The following CYP3A5 variants were observed in gnomAD, a reference collection of about 807,000 sequenced individuals.
CYP3A5 encodes the protein cytochrome P450 3A5.
A neutral mutation model predicts 55.9 loss-of-function variants in CYP3A5; 51 were observed. That is an observed-to-expected ratio of 0.91 (90% confidence interval 0.73 to 1.15). The LOEUF is 1.15. CYP3A5 is among the 50% of genes most tolerant of loss of function. The probability of loss-of-function intolerance (pLI) is 0.00; values close to 1 mark genes in which losing one functional copy is unlikely to be tolerated. For synonymous variants in CYP3A5, 196 were observed against 213.9 expected (o/e 0.92, Z 0.73); for missense variants, 533 against 596.6 (o/e 0.89, Z 1.11).
chr7:99,655,213 T>C (rs1809586941), intron 10 of CYP3A5, among the ~76,000 whole-genome samples: 1 of 152,210 alleles, frequency 6.6e-6, no homozygotes, highest in Non-Finnish European at 1.5e-5. Context: ...TGGTTTTAGG[T>C]CTAACATGTA....
At position 99,679,962 on chromosome 7, in the gene CYP3A5, G is replaced by T; in HGVS notation, c.-66C>A. Reference sequence around the variant, plus strand: ...TTTAGCTGAGTGCTGCTGTTTGCTGGGCTGTTTGCCTGGAGCTTCCCTGCC... The same window carrying T: ...TTTAGCTGAGTGCTGCTGTTTGCTGTGCTGTTTGCCTGGAGCTTCCCTGCC... On this transcript the variant is annotated 5_prime_UTR_variant, in exon 1 of 13. Coordinates refer to ENST00000222982, the MANE Select transcript of CYP3A5 (RefSeq NM_000777.5). 1 of 1,443,014 alleles carries T rather than the reference G, an allele frequency of 6.9e-7. No homozygotes were observed. The highest frequency in any genetic ancestry group is 9.8e-7 in the Non-Finnish European group (1 of 1,024,432). 89.4% of individuals were successfully genotyped at this position (1,443,014 alleles called of 1,614,324 possible).
chr7:99,658,222 G>A lies in CYP3A5; in HGVS notation c.1026+2277C>T, dbSNP rs1465631120. On this transcript the variant is annotated intron_variant, in intron 10 of 12. Coordinates refer to ENST00000222982, the MANE Select transcript of CYP3A5 (RefSeq NM_000777.5). ...CATGTTTTTGCAGTGGCTGGTACCA[G>A]TTGTTCCTTTCCATGTTTAGTGCTT... Among the ~76,000 whole-genome samples the A allele has an allele frequency of 3.9e-5, 6 of 152,268 alleles. No individual in the cohort carries two copies. The South Asian group carries it at 6.2e-4, about 16-fold the overall frequency.
chr7:99,672,411 G>A lies in CYP3A5; in HGVS notation c.318+169C>T, dbSNP rs557718312. Among the ~76,000 whole-genome samples the A allele has an allele frequency of 2.0e-5, 3 of 151,998 alleles. No individual in the cohort carries two copies. The East Asian group carries it at 5.8e-4, about 29-fold the overall frequency. ...AATATGAATATACTAGATATATATT[G>A]CAATATACAAGATTGCAAGATGTTA... is the stretch of plus-strand genomic sequence containing the variant. On this transcript the variant is annotated intron_variant, in intron 4 of 12. Coordinates refer to ENST00000222982, the MANE Select transcript of CYP3A5 (RefSeq NM_000777.5).
Position 99,650,233 on chromosome 7 carries a change from CTAG to C in CYP3A5, c.1254-4_1254-2del, listed in dbSNP as rs767277330. 6.2e-7 allele frequency: 1 copy of C among 1,612,794 alleles called. No homozygotes were observed. The highest frequency in any genetic ancestry group is 1.3e-5 in the African/African-American group (1 of 74,818). Reference sequence around the variant, plus strand: ...TATGCTGTCCTTCTTCTTACTGAACCTAGTTCCATATTGGTAGATTAAATAGTT... The same window carrying C: ...TATGCTGTCCTTCTTCTTACTGAACCTTCCATATTGGTAGATTAAATAGTT... On this transcript the variant is annotated splice_acceptor_variant and splice_polypyrimidine_tract_variant and intron_variant, in intron 11 of 12. Coordinates refer to ENST00000222982, the MANE Select transcript of CYP3A5 (RefSeq NM_000777.5). LOFTEE classifies it high-confidence loss of function.
intron 4 of CYP3A5, among the ~76,000 whole-genome samples, chr7:99,669,665 C>T (rs1441246368): frequency 2.6e-5 from 4 of 152,164 alleles, no homozygotes; most frequent in Admixed American, 2.0e-4. Context: ...ACTGACACTA[C>T]AGATACGGCA....
chr7:99,665,411 TA>T (rs1212114977), intron 6 of CYP3A5, 97 bp from the exon 7 acceptor site: 3 of 1,491,998 alleles, frequency 2.0e-6, no homozygotes. Flanking sequence ...TCAAGACACA[TA>T]AAGAGCCACA....
Position 99,662,974 on chromosome 7 carries a change from T to G in CYP3A5, c.799-92A>C. 1 of 1,565,944 alleles carries G rather than the reference T, an allele frequency of 6.4e-7. No individual in the cohort carries two copies. The highest frequency in any genetic ancestry group is 8.7e-7 in the Non-Finnish European group (1 of 1,153,736). ...GCAGTCCTCAACCTCCCTTCTTGAC[T>G]TCCCTCCCTCAACCTCCCTATGGCT... is the stretch of plus-strand genomic sequence containing the variant. On this transcript the variant is annotated intron_variant, in intron 8 of 12. Coordinates refer to ENST00000222982, the MANE Select transcript of CYP3A5 (RefSeq NM_000777.5). The surrounding 1 kb of genome is among the most constrained non-coding windows in gnomAD (Gnocchi z 4.3).
intron 11 of CYP3A5, 108 bp downstream of exon 11, chr7:99,652,445 C>T (rs1437881942): frequency 7.1e-5 from 52 of 728,886 alleles, no homozygotes; most frequent in Non-Finnish European, 8.7e-5. Context: ...AAAAGACTTA[C>T]AAGCAAATGA....
At chr7:99,674,626 A>G (rs760384760) in intron 2 of CYP3A5, 41 bp from the exon 3 acceptor site, 4 of 1,564,878 alleles carry the variant, frequency 2.6e-6, no homozygotes, top group Non-Finnish European at 3.5e-6. Context: ...ATTATTTTAA[A>G]TAGAATAAAC....
At chr7:99,655,459 C>T (rs569774533) in intron 10 of CYP3A5, among the ~76,000 whole-genome samples, 2 of 152,298 alleles carry the variant, frequency 1.3e-5, no homozygotes, top group African/African-American at 4.8e-5. Flanking sequence ...GGTACCAGTA[C>T]CATGCTGTTT....
At chr7:99,675,690 TTCTC>T (rs1167787728) in intron 2 of CYP3A5, among the ~76,000 whole-genome samples, 3 of 8,748 alleles carry the variant, frequency 3.4e-4, no homozygotes, top group African/African-American at 7.9e-4. Context: ...CTCTCTTTCT[TTCTC>T]TCTCTCTCTT....
At position 99,656,556 on chromosome 7, in the gene CYP3A5, T is replaced by A. The variant is rs370854029; in HGVS notation, c.1027-3777A>T. Reference sequence around the variant, plus strand: ...TCTAAAATTCTCTTTTTTGGTTGTGTCTCTGCCAGGCTTTGGTATCAGGAT... The same window carrying A: ...TCTAAAATTCTCTTTTTTGGTTGTGACTCTGCCAGGCTTTGGTATCAGGAT... On this transcript the variant is annotated intron_variant, in intron 10 of 12. Coordinates refer to ENST00000222982, the MANE Select transcript of CYP3A5 (RefSeq NM_000777.5). Among the ~76,000 whole-genome samples the A allele has an allele frequency of 8.5e-5, 13 of 152,316 alleles. No individual in the cohort carries two copies. In the East Asian group the frequency reaches 2.1e-3, roughly 25 times the overall value.
intron 4 of CYP3A5, chr7:99,671,965 C>A: frequency 1.5e-6 from 1 of 658,230 alleles, no homozygotes; most frequent in Non-Finnish European, 2.7e-6. Context: ...ATCTGAAAAG[C>A]TCTGTAAACT....
chr7:99,668,933 AACCT>A (rs1320647184), intron 4 of CYP3A5, among the ~76,000 whole-genome samples: 8 of 152,204 alleles, frequency 5.3e-5, no homozygotes, highest in African/African-American at 1.9e-4. Flanking sequence ...ATAATATTTC[AACCT>A]ACCTTTGTAG....
chr7:99,660,189 G>C, intron 10 of CYP3A5: 6 of 955,508 alleles, frequency 6.3e-6, no homozygotes, highest in Non-Finnish European at 7.3e-6. Flanking sequence ...AGCTGTTCCT[G>C]TTTGGCCATC....
At chr7:99,659,722 C>G (rs1002429404) in intron 10 of CYP3A5, 5 of 152,680 alleles carry the variant, frequency 3.3e-5, no homozygotes, top group African/African-American at 1.2e-4. Flanking sequence ...GTGGGCTTCA[C>G]CCAGTTTGAG....
chr7:99,665,926 TA>T (rs1420274728), intron 6 of CYP3A5, among the ~76,000 whole-genome samples: 1 of 152,052 alleles, frequency 6.6e-6, no homozygotes, highest in African/African-American at 2.4e-5. Context: ...ATGTTCTGGT[TA>T]AAAAAAATAG....
chr7:99,674,992 A>G (rs1222789011), intron 2 of CYP3A5, among the ~76,000 whole-genome samples: 2 of 152,248 alleles, frequency 1.3e-5, no homozygotes, highest in African/African-American at 4.8e-5. Context: ...AATCTCCTCC[A>G]TCAGTATCCT....
At chr7:99,672,782 A>T (rs1448779028) in intron 3 of CYP3A5, 103 bp from the exon 4 acceptor site, 1 of 1,571,094 alleles carries the variant, frequency 6.4e-7, no homozygotes, top group Non-Finnish European at 8.6e-7. Flanking sequence ...TGTAATCCAT[A>T]CCCCTAGTTG....
Sources: gnomAD v4.1 joint callset for allele counts (sites outside exome capture counted in the v4.1 genomes callset) on GRCh38, gnomAD v4.1.1 for gene constraint, Gnocchi (gnomAD v3.1) non-coding constraint, MANE v1.5 for transcripts, NCBI Gene and HGNC (gene_info 2026-07-23, HGNC 2026-07-21) for gene names.